Variants in DOCK2 observed in about 807,000 individuals in gnomAD.
DOCK2 encodes dedicator of cytokinesis 2, also known as dedicator of cytokinesis protein 2.
In DOCK2, 87 loss-of-function variants were observed where a neutral mutation model predicts 248.9. The ratio of observed to expected loss-of-function variants is 0.35; its 90% CI spans 0.29 to 0.42. The LOEUF is 0.42. DOCK2 is among the 10% of genes least tolerant of loss of function. The probability of loss-of-function intolerance (pLI) is 1.00; values close to 1 mark genes in which losing one functional copy is unlikely to be tolerated. For synonymous variants in DOCK2, 805 were observed against 821.6 expected, an observed-to-expected ratio of 0.98 and a Z score of 0.35; for missense variants, 1,747 against 2,300.2, an observed-to-expected ratio of 0.76 and a Z score of 4.92.
chr5:169,845,985 T>C (rs547627698), intron 27 of DOCK2, among the ~76,000 whole-genome samples: 1 of 152,282 alleles, frequency 6.6e-6, no homozygotes, highest in East Asian at 1.9e-4. Context: ...TACTCAGGGG[T>C]CAAGGGTCCC....
intron 27 of DOCK2, among the ~76,000 whole-genome samples, chr5:169,902,169 C>A (rs1171904597): frequency 6.6e-6 from 1 of 152,168 alleles, no homozygotes; most frequent in South Asian, 2.1e-4. Context: ...CAAGGAAAGT[C>A]CAGGAGGGGA....
At chr5:169,719,616 C>G (rs1350220130) in intron 22 of DOCK2, among the ~76,000 whole-genome samples, 4 of 152,198 alleles carry the variant, frequency 2.6e-5, no homozygotes, top group Non-Finnish European at 5.9e-5. Flanking sequence ...GGGATAGTCT[C>G]TGTCTGTCTA....
At chr5:170,012,822 C>T (rs561892531) in intron 32 of DOCK2, among the ~76,000 whole-genome samples, 1 of 152,258 alleles carries the variant, frequency 6.6e-6, no homozygotes, top group South Asian at 2.1e-4. Context: ...TGGGTTAACA[C>T]TGAGCTGCTG....
intron 42 of DOCK2, 188 bp from the exon 43 acceptor site, chr5:170,056,496 C>T: frequency 1.9e-6 from 1 of 525,818 alleles, no homozygotes; most frequent in East Asian, 3.1e-5. Context: ...ATTGCCTTGT[C>T]AGGAAAGCCT....
intron 2 of DOCK2, among the ~76,000 whole-genome samples, chr5:169,655,240 C>CT (rs1351391558): frequency 6.6e-6 from 1 of 152,200 alleles, no homozygotes; most frequent in Admixed American, 6.5e-5. Context: ...CCCAACTGGC[C>CT]TACCACAGTT....
intron 22 of DOCK2, among the ~76,000 whole-genome samples, chr5:169,726,268 C>T (rs986678912): frequency 4.6e-5 from 7 of 152,180 alleles, no homozygotes; most frequent in Admixed American, 4.6e-4. Context: ...TGATAATGAG[C>T]ATTTTTTTCA....
At chr5:169,662,509 A>C (rs1025794753) in intron 2 of DOCK2, among the ~76,000 whole-genome samples, 1 of 152,190 alleles carries the variant, frequency 6.6e-6, no homozygotes, top group African/African-American at 2.4e-5. Context: ...ACACTGCTGT[A>C]AAGAACTACC....
intron 25 of DOCK2, among the ~76,000 whole-genome samples, chr5:169,772,812 A>T (rs539878936): frequency 6.6e-6 from 1 of 152,328 alleles, no homozygotes; most frequent in East Asian, 1.9e-4. Flanking sequence ...ACGTCTCAGC[A>T]TCCTGCCTCA....
At chr5:169,669,403 C>G in intron 3 of DOCK2, 75 bp downstream of exon 3, 1 of 1,522,078 alleles carries the variant, frequency 6.6e-7, no homozygotes, top group Non-Finnish European at 9.1e-7. Flanking sequence ...CTGAGCAGGT[C>G]TCTCCCACCA....
chr5:170,026,703 C>T (rs6876868), intron 33 of DOCK2, among the ~76,000 whole-genome samples: 39,271 of 152,104 alleles, frequency 0.26, 5,619 homozygotes, highest in East Asian at 0.48. Context: ...ATAAGCCATG[C>T]ACTCCAGTGG....
intron 27 of DOCK2, among the ~76,000 whole-genome samples, chr5:169,931,040 T>A (rs759373649): frequency 6.6e-6 from 1 of 152,192 alleles, no homozygotes; most frequent in Middle Eastern, 3.2e-3. Context: ...AAAAGTGGAT[T>A]TGTGGGAAGT....
At chr5:170,007,226 C>A (rs908497719) in intron 30 of DOCK2, among the ~76,000 whole-genome samples, 1 of 152,176 alleles carries the variant, frequency 6.6e-6, no homozygotes, top group Non-Finnish European at 1.5e-5. Flanking sequence ...AGTATGATTT[C>A]TCTGGCTAAT....
intron 22 of DOCK2, among the ~76,000 whole-genome samples, chr5:169,743,933 A>AT (rs1167159669): frequency 6.7e-6 from 1 of 149,010 alleles, no homozygotes; most frequent in Admixed American, 6.7e-5. Context: ...TTATATTATT[A>AT]TATATATATA....
At chr5:170,052,991 C>A (rs374817424) in intron 41 of DOCK2, among the ~76,000 whole-genome samples, 1 of 152,192 alleles carries the variant, frequency 6.6e-6, no homozygotes. Context: ...GATAAGCAGT[C>A]TGAGAGGGTG....
At chr5:170,073,054 T>G (rs1297615789) in intron 46 of DOCK2, among the ~76,000 whole-genome samples, 1 of 152,230 alleles carries the variant, frequency 6.6e-6, no homozygotes, top group East Asian at 1.9e-4. Context: ...TTAGTGCTTT[T>G]GTGTCCACTT....
chr5:169,738,218 A>T (rs1414309029), intron 22 of DOCK2, among the ~76,000 whole-genome samples: 4 of 152,168 alleles, frequency 2.6e-5, no homozygotes, highest in African/African-American at 9.7e-5. Flanking sequence ...CCACTTAGGA[A>T]TTTTTAAAGG....
chr5:169,902,251 A>G (rs2113584079), intron 27 of DOCK2, among the ~76,000 whole-genome samples: 1 of 152,354 alleles, frequency 6.6e-6, no homozygotes, highest in South Asian at 2.1e-4. Flanking sequence ...AAGCTGTCAC[A>G]GGAGCAAAGA....
intron 25 of DOCK2, among the ~76,000 whole-genome samples, chr5:169,793,746 T>C (rs1305801619): frequency 6.6e-6 from 1 of 152,034 alleles, no homozygotes; most frequent in African/African-American, 2.4e-5. Flanking sequence ...TTCTCCAAAT[T>C]TATCATCTCA....
At chr5:170,079,961 C>A (rs375682049) in intron 49 of DOCK2, 1 of 708,592 alleles carries the variant, frequency 1.4e-6, no homozygotes, top group African/African-American at 1.8e-5. Context: ...CCACCCCCGC[C>A]TGTAGTTGTG....
Sources: allele counts gnomAD v4.1 joint callset (sites outside exome capture counted in the v4.1 genomes callset), GRCh38; gene constraint gnomAD v4.1.1; transcripts MANE v1.5; gene names NCBI Gene and HGNC (gene_info 2026-07-23, HGNC 2026-07-21).